EML6: variants seen among roughly 807,000 people sequenced by gnomAD.
EML6 encodes the protein EMAP like 6.
A neutral mutation model predicts 240.1 loss-of-function variants in EML6; 154 were observed. That is an observed-to-expected ratio of 0.64 (90% CI 0.56 to 0.73). The LOEUF (loss-of-function observed/expected upper bound fraction) is 0.73. Ranked by LOEUF, EML6 falls within the 30% of genes least tolerant of loss-of-function variation. The pLI is 0.00. For missense variants in EML6, 2,964 were observed against 2,474.6 expected (o/e 1.20, Z -4.20); for synonymous variants, 1,148 against 899.0 (o/e 1.28, Z -4.95).
intron 28 of EML6, 86 bp from the exon 29 acceptor site, chr2:54,948,796 G>A: frequency 6.9e-6 from 7 of 1,011,256 alleles, no homozygotes; most frequent in South Asian, 1.4e-5. Flanking sequence ...GAGGAGGCCG[G>A]CACTGGCCTA....
In EML6 at chr2:54,928,371, G is replaced by A. The variant is rs1029690320; in HGVS notation, c.3734G>A (p.Arg1245Lys). ...CACAGTGCACATGTCACTAACGTGAGGTGGCTGCACAATGACTCTGTGCTG... is the reference window on the plus strand; with the variant it reads ...CACAGTGCACATGTCACTAACGTGAAGTGGCTGCACAATGACTCTGTGCTG... Reference protein sequence around the residue: ...VGHSAHVTNVRWLHNDSVLLT... With the variant: ...VGHSAHVTNVKWLHNDSVLLT... Residue 1245 changes from arginine to lysine, a missense_variant, in exon 27 of 42, where the codon AGG (arginine) becomes AAG (lysine). Physicochemically the swap from Arg to Lys is conservative, Grantham distance 26. Transcript: ENST00000356458. 6.4e-7 allele frequency: 1 copy of A among 1,552,120 alleles called. No individual in the cohort carries two copies. The highest frequency in any genetic ancestry group is 2.0e-5 in the Admixed American group (1 of 51,002).
intron 7 of EML6, among the ~76,000 whole-genome samples, chr2:54,833,797 T>C (rs985973318): frequency 1.1e-4 from 17 of 152,316 alleles, no homozygotes; most frequent in Middle Eastern, 3.4e-3. Context: ...CAAGATGATA[T>C]AAACCAACAA....
chr2:54,967,421 G>A (rs1232591513), intron 39 of EML6, among the ~76,000 whole-genome samples: 3 of 152,158 alleles, frequency 2.0e-5, no homozygotes, highest in African/African-American at 4.8e-5. Flanking sequence ...GCCTCCATTC[G>A]CTAGGGGAAG....
At chr2:54,859,973 C>T (rs549497855) in intron 12 of EML6, among the ~76,000 whole-genome samples, 1 of 152,332 alleles carries the variant, frequency 6.6e-6, no homozygotes, top group African/African-American at 2.4e-5. Context: ...TCCTGACACT[C>T]CCTCCACTCA....
chr2:54,756,176 C>T (rs1254026763), intron 2 of EML6, among the ~76,000 whole-genome samples: 6 of 152,052 alleles, frequency 3.9e-5, no homozygotes, highest in African/African-American at 9.7e-5. Flanking sequence ...TTGGTAAATG[C>T]CCCAAGGAGG....
chr2:54,952,570 C>T (rs1676037341), intron 30 of EML6, 24 bp from the exon 31 acceptor site: 1 of 1,498,530 alleles, frequency 6.7e-7, no homozygotes, highest in Middle Eastern at 1.7e-4. Flanking sequence ...CACTGTTCAC[C>T]CTCCCATGAT....
intron 29 of EML6, among the ~76,000 whole-genome samples, chr2:54,949,173 C>G (rs1675841556): frequency 6.6e-6 from 1 of 152,148 alleles, no homozygotes; most frequent in South Asian, 2.1e-4. Flanking sequence ...TCCCCCAGCC[C>G]TGTCACCAGG....
chr2:54,867,361 C>T (rs1380178838), intron 14 of EML6: 1 of 152,666 alleles, frequency 6.6e-6, no homozygotes, highest in South Asian at 2.1e-4. Context: ...TTTTTAATGT[C>T]GGTTTAAATG....
intron 35 of EML6, among the ~76,000 whole-genome samples, chr2:54,962,076 G>A (rs887918963): frequency 7.4e-6 from 1 of 134,674 alleles, no homozygotes; most frequent in Non-Finnish European, 1.5e-5. Context: ...ATTTTCTCAA[G>A]TTACTTGTTT....
At chr2:54,969,277 C>T (rs1676886354) in intron 41 of EML6, among the ~76,000 whole-genome samples, 2 of 152,186 alleles carry the variant, frequency 1.3e-5, no homozygotes, top group African/African-American at 4.8e-5. Context: ...TTCATTGTAG[C>T]ATGAATACTG....
In EML6 at chr2:54,724,921, G is replaced by C; in HGVS notation, c.-141G>C. ...AGCGGATGATGGTGGCGGCCGGCCC[G>C]CTGGGCTGTGCCTGTGTGTCGCCGC... On this transcript the variant is annotated 5_prime_UTR_variant, in exon 2 of 42. Coordinates refer to ENST00000356458, the MANE Select transcript of EML6 (RefSeq NM_001039753.4). The surrounding 1 kb of genome is among the most constrained non-coding windows in gnomAD (Gnocchi z 5.2). 1.7e-6 allele frequency: 1 copy of C among 572,396 alleles called. No individual in the cohort carries two copies. The highest frequency in any genetic ancestry group is 2.4e-6 in the Non-Finnish European group (1 of 409,580). 35.5% of individuals were successfully genotyped at this position (572,396 alleles called of 1,614,324 possible).
intron 12 of EML6, among the ~76,000 whole-genome samples, chr2:54,860,396 G>C (rs1287808975): frequency 1.3e-5 from 2 of 152,236 alleles, no homozygotes; most frequent in Non-Finnish European, 2.9e-5. Flanking sequence ...CTTAAAAAAT[G>C]CAGCCCAGTT....
intron 16 of EML6, 84 bp downstream of exon 16, chr2:54,871,689 G>A (rs1347515585): frequency 1.7e-5 from 16 of 947,560 alleles, no homozygotes; most frequent in Admixed American, 4.0e-5. Flanking sequence ...ATGCGCGCAC[G>A]CGTGTGTGTG....
At chr2:54,948,996 G>A (rs537049283) in intron 29 of EML6, 36 bp downstream of exon 29, 20 of 1,433,124 alleles carry the variant, frequency 1.4e-5, no homozygotes, top group South Asian at 7.3e-5. Flanking sequence ...TGATATTGAC[G>A]TTCTAAGACA....
chr2:54,813,512 C>T, intron 3 of EML6, 121 bp downstream of exon 3: 2 of 857,710 alleles, frequency 2.3e-6, no homozygotes, highest in East Asian at 2.7e-5. Context: ...GGCACAGCCT[C>T]CTAGAATTTT....
chr2:54,927,170 T>G (rs942070275), intron 26 of EML6, among the ~76,000 whole-genome samples: 18 of 152,220 alleles, frequency 1.2e-4, no homozygotes, highest in African/African-American at 4.3e-4. Flanking sequence ...CCTACCTGCC[T>G]GTTTGCTTCA....
At chr2:54,868,034 C>A (rs1671062580) in intron 14 of EML6, 1 of 152,124 alleles carries the variant, frequency 6.6e-6, no homozygotes, top group Non-Finnish European at 1.5e-5. Flanking sequence ...AGATGTTCTG[C>A]ATGTGTAAAA....
At chr2:54,827,415 ATGT>A (rs1279371211) in intron 5 of EML6, 148 bp from the exon 6 acceptor site, 8 of 625,778 alleles carry the variant, frequency 1.3e-5, no homozygotes, top group Middle Eastern at 4.3e-4. Context: ...TTTGTGTTAC[ATGT>A]TGTTATGTTA....
At chr2:54,875,349 T>C (rs1256149039) in intron 16 of EML6, among the ~76,000 whole-genome samples, 1 of 152,234 alleles carries the variant, frequency 6.6e-6, no homozygotes, top group African/African-American at 2.4e-5. Flanking sequence ...GTAGACCTCC[T>C]TGTTTAACGG....
Sources: allele counts gnomAD v4.1 joint callset (sites outside exome capture counted in the v4.1 genomes callset), GRCh38; gene constraint gnomAD v4.1.1; non-coding constraint Gnocchi (gnomAD v3.1); transcripts MANE v1.5; gene names NCBI Gene and HGNC (gene_info 2026-07-23, HGNC 2026-07-21).